Variants in PDGFD observed in about 807,000 individuals in gnomAD.
The protein encoded by PDGFD is platelet derived growth factor D.
PDGFD carries 30 observed loss-of-function variants against 44.7 expected under a neutral mutation model. The ratio of observed to expected loss-of-function variants is 0.67; its 90% CI spans 0.50 to 0.91. The LOEUF (loss-of-function observed/expected upper bound fraction) is 0.91, where lower values mean the gene tolerates loss of function less well. Among genes scored for constraint, PDGFD ranks in the 40% least tolerant of loss-of-function variants. The probability of loss-of-function intolerance (pLI) is 0.00; values close to 1 mark genes in which losing one functional copy is unlikely to be tolerated. For synonymous variants in PDGFD, 173 were observed against 168.4 expected (o/e 1.03, Z -0.21); for missense variants, 445 against 457.8 (o/e 0.97, Z 0.25).
intron 5 of PDGFD, among the ~76,000 whole-genome samples, chr11:103,939,408 A>G (rs546870262): frequency 2.0e-5 from 3 of 152,102 alleles, no homozygotes; most frequent in Admixed American, 6.6e-5. Flanking sequence ...TTGATTTTGT[A>G]TCCTGAGACT....
At chr11:103,963,526 A>G (rs573258674) in intron 3 of PDGFD, among the ~76,000 whole-genome samples, 19 of 152,188 alleles carry the variant, frequency 1.2e-4, no homozygotes, top group Non-Finnish European at 2.2e-4. Context: ...TTCGTACAAA[A>G]GTAGTTCCTC....
At chr11:104,002,575 CT>C (rs1859636525) in intron 1 of PDGFD, among the ~76,000 whole-genome samples, 1 of 152,124 alleles carries the variant, frequency 6.6e-6, no homozygotes. Flanking sequence ...TCAGGTAGTT[CT>C]TTATAACAGT....
chr11:103,929,569 T>C lies in PDGFD; in HGVS notation c.773-2443A>G, dbSNP rs1591080955. On this transcript the variant is annotated intron_variant, in intron 5 of 6. Transcript: ENST00000393158. ...TCATTTCTTACTCACCATGAGGAGA[T>C]TCACAATTCTGTCAGTTTTATGCAT... is the stretch of plus-strand genomic sequence containing the variant. Among the ~76,000 whole-genome samples the C allele has an allele frequency of 2.0e-5, 3 of 152,180 alleles. No individual in the cohort carries two copies. The East Asian group carries it at 5.8e-4, about 29-fold the overall frequency.
intron 1 of PDGFD, among the ~76,000 whole-genome samples, chr11:104,122,419 C>A (rs966341260): frequency 9.9e-5 from 15 of 152,154 alleles, no homozygotes; most frequent in Admixed American, 2.6e-4. Context: ...ATGCAAATGG[C>A]ACACCTGGTC....
intron 1 of PDGFD, among the ~76,000 whole-genome samples, chr11:104,049,538 C>CT (rs916922737): frequency 1.5e-4 from 23 of 151,132 alleles, no homozygotes; most frequent in East Asian, 3.9e-4. Context: ...TTTTTTTAAG[C>CT]TTTTTTTTGT....
chr11:103,932,178 A>G (rs1396664229), intron 5 of PDGFD, among the ~76,000 whole-genome samples: 3 of 151,612 alleles, frequency 2.0e-5, no homozygotes, highest in Non-Finnish European at 2.9e-5. Context: ...ACAATGGTTC[A>G]ACATGAGTTT....
chr11:104,074,180 C>G (rs1018027954), intron 1 of PDGFD, among the ~76,000 whole-genome samples: 1 of 152,170 alleles, frequency 6.6e-6, no homozygotes, highest in African/African-American at 2.4e-5. Context: ...CAACCAATCC[C>G]AGGCAACCCA....
chr11:104,164,073 A>T lies in PDGFD; in HGVS notation c.-146T>A. 1 of 857,720 alleles carries T rather than the reference A, an allele frequency of 1.2e-6. No individual in the cohort carries two copies. The highest frequency in any genetic ancestry group is 3.7e-4 in the Middle Eastern group (1 of 2,670). 53.1% of individuals were successfully genotyped at this position (857,720 alleles called of 1,614,324 possible). On this transcript the variant is annotated 5_prime_UTR_variant, in exon 1 of 7. Coordinates refer to ENST00000393158, the MANE Select transcript of PDGFD (RefSeq NM_025208.5). ...CTGTGCTAATCGCCGAGCTCTCCCCAAACTTCCTGCATGCTGAACTTTCCG... is the reference window on the plus strand; with the variant it reads ...CTGTGCTAATCGCCGAGCTCTCCCCTAACTTCCTGCATGCTGAACTTTCCG...
intron 6 of PDGFD, among the ~76,000 whole-genome samples, chr11:103,917,400 T>C (rs1220049456): frequency 1.3e-5 from 2 of 152,192 alleles, no homozygotes; most frequent in Non-Finnish European, 2.9e-5. Context: ...CATAGACATA[T>C]ACTTGGTAAA....
At chr11:104,114,634 A>G (rs900092721) in intron 1 of PDGFD, among the ~76,000 whole-genome samples, 2 of 151,966 alleles carry the variant, frequency 1.3e-5, no homozygotes, top group African/African-American at 4.8e-5. Flanking sequence ...TCCAAAAATA[A>G]CTTGTTGGGA....
chr11:104,117,861 T>C (rs2134457714), intron 1 of PDGFD, among the ~76,000 whole-genome samples: 1 of 152,110 alleles, frequency 6.6e-6, no homozygotes, highest in East Asian at 1.9e-4. Context: ...ACCATCATTC[T>C]TCACAGAAGT....
At chr11:103,921,214 T>C (rs1213955466) in intron 6 of PDGFD, among the ~76,000 whole-genome samples, 2 of 152,152 alleles carry the variant, frequency 1.3e-5, no homozygotes. Flanking sequence ...CTCCACAAGT[T>C]CTAGCTATGA....
At chr11:104,104,332 T>C (rs923296909) in intron 1 of PDGFD, among the ~76,000 whole-genome samples, 10 of 152,100 alleles carry the variant, frequency 6.6e-5, no homozygotes, top group African/African-American at 2.4e-4. Context: ...ATAGGCTAAG[T>C]GTACAGTGTT....
intron 1 of PDGFD, among the ~76,000 whole-genome samples, chr11:104,042,295 G>T (rs74569331): frequency 0.024 from 3,723 of 152,226 alleles, 68 homozygotes; most frequent in Middle Eastern, 0.027. Context: ...AATTAAACTT[G>T]CTTTTGAATC....
chr11:103,949,294 G>T (rs1199129630), intron 3 of PDGFD, among the ~76,000 whole-genome samples: 1 of 152,040 alleles, frequency 6.6e-6, no homozygotes, highest in Non-Finnish European at 1.5e-5. Flanking sequence ...TGAGCCACTG[G>T]GCCCGGCCTC....
intron 1 of PDGFD, among the ~76,000 whole-genome samples, chr11:104,016,150 T>G (rs901784355): frequency 6.6e-6 from 1 of 152,166 alleles, no homozygotes; most frequent in Non-Finnish European, 1.5e-5. Context: ...TAAAATTGAC[T>G]GAGACAATAA....
At chr11:104,049,920 G>C (rs1860502936) in intron 1 of PDGFD, among the ~76,000 whole-genome samples, 4 of 152,132 alleles carry the variant, frequency 2.6e-5, no homozygotes, top group Admixed American at 2.6e-4. Context: ...TGGAGGAGGT[G>C]GGAGAGCAAC....
intron 1 of PDGFD, among the ~76,000 whole-genome samples, chr11:104,056,731 A>G (rs1207177942): frequency 3.3e-5 from 5 of 152,216 alleles, no homozygotes; most frequent in Non-Finnish European, 7.3e-5. Flanking sequence ...TCATATTTAT[A>G]TTTTAATAAA....
At chr11:104,140,072 A>T (rs375153939) in intron 1 of PDGFD, among the ~76,000 whole-genome samples, 284 of 20,066 alleles carry the variant, frequency 0.014, 108 homozygotes, top group South Asian at 0.045. Flanking sequence ...GTCTCAAAAA[A>T]AAAAAAATAA....
Sources: gnomAD v4.1 joint callset for allele counts (sites outside exome capture counted in the v4.1 genomes callset) on GRCh38, gnomAD v4.1.1 for gene constraint, MANE v1.5 for transcripts, NCBI Gene and HGNC (gene_info 2026-07-23, HGNC 2026-07-21) for gene names.